FBLN5: variants seen among roughly 807,000 people sequenced by gnomAD.
FBLN5 encodes the protein fibulin-5.
Under a neutral mutation model 61.6 loss-of-function variants are expected in FBLN5, and 24 were observed. That is an observed-to-expected ratio of 0.39 (90% CI 0.28 to 0.55). The LOEUF is 0.55. Ranked by LOEUF, FBLN5 falls within the 20% of genes least tolerant of loss-of-function variation. The pLI is 0.65. For synonymous variants in FBLN5, 213 were observed against 219.8 expected (o/e 0.97, Z 0.27); for missense variants, 470 against 594.1 (o/e 0.79, Z 2.17).
intron 3 of FBLN5, among the ~76,000 whole-genome samples, chr14:91,940,169 G>A (rs544262355): frequency 6.6e-6 from 1 of 152,272 alleles, no homozygotes; most frequent in African/African-American, 2.4e-5. Flanking sequence ...GTCTCCCTTA[G>A]AGCCTCCAGA....
intron 6 of FBLN5, 42 bp from the exon 7 acceptor site, chr14:91,887,354 G>T: frequency 6.2e-7 from 1 of 1,605,676 alleles, no homozygotes. Flanking sequence ...CCTCCCAACA[G>T]AACAGCCACA....
chr14:91,880,536 T>C (rs1889383264), intron 9 of FBLN5, among the ~76,000 whole-genome samples: 1 of 151,146 alleles, frequency 6.6e-6, no homozygotes, highest in African/African-American at 2.4e-5. Flanking sequence ...CGTGTGTGTG[T>C]GTGTGTGTGT....
intron 4 of FBLN5, among the ~76,000 whole-genome samples, chr14:91,923,006 G>A (rs1370793178): frequency 6.6e-6 from 1 of 152,128 alleles, no homozygotes; most frequent in Non-Finnish European, 1.5e-5. Flanking sequence ...TAGACTACAT[G>A]CAAAATCAAT....
intron 10 of FBLN5, 45 bp downstream of exon 10, chr14:91,877,442 A>C: frequency 6.8e-7 from 1 of 1,479,100 alleles, no homozygotes; most frequent in Non-Finnish European, 9.5e-7. Context: ...AGACAGCACA[A>C]GGCCACTGTT....
Position 91,943,048 on chromosome 14 carries a change from C to T in FBLN5, c.18-87G>A, listed in dbSNP as rs10135192. On this transcript the variant is annotated intron_variant, in intron 1 of 10. Coordinates refer to ENST00000342058, the MANE Select transcript of FBLN5 (RefSeq NM_006329.4). This position sits in a 1 kb window ranked among gnomAD's most constrained non-coding sequence, Gnocchi z 4.0. Reference sequence around the variant, plus strand: ...GTCGCATGCGGCCCGTGACGTGTAACGGTGATATCACCTTGGGCTTGTATG... The same window carrying T: ...GTCGCATGCGGCCCGTGACGTGTAATGGTGATATCACCTTGGGCTTGTATG... The T allele has an allele frequency of 7.9e-3, 6,893 of 872,944 alleles. 350 individuals are homozygous for T. In the African/African-American group the frequency reaches 0.099, roughly 12 times the overall value. 54.1% of individuals were successfully genotyped at this position (872,944 alleles called of 1,614,324 possible).
chr14:91,944,507 G>C (rs1239687821), intron 1 of FBLN5, among the ~76,000 whole-genome samples: 2 of 152,244 alleles, frequency 1.3e-5, no homozygotes, highest in African/African-American at 4.8e-5. Flanking sequence ...TTGTAAACCT[G>C]TGTTCATAGC....
chr14:91,922,639 A>G (rs1438829355), intron 4 of FBLN5, among the ~76,000 whole-genome samples: 2 of 152,156 alleles, frequency 1.3e-5, no homozygotes, highest in Non-Finnish European at 2.9e-5. Flanking sequence ...TCTGTTGAGG[A>G]GGTCTGAGGT....
intron 10 of FBLN5, chr14:91,874,015 G>A (rs959117160): frequency 5.2e-5 from 8 of 152,384 alleles, no homozygotes; most frequent in African/African-American, 1.9e-4. Flanking sequence ...CTCTTTCTAG[G>A]GCTCAGTGAG....
In FBLN5 at chr14:91,942,947, G is replaced by A; in HGVS notation, c.32C>T (p.Thr11Ile). Residue 11 changes from threonine (T) to isoleucine (I), a missense_variant, in exon 2 of 11, where the codon ACC becomes ATC. Coordinates refer to ENST00000342058, the MANE Select transcript of FBLN5 (RefSeq NM_006329.4). MPGIKRILTV[T>I]ILALCLPSPG... ...GCTTGGAAGACAGAGAGCCAGAATG[G>A]TAACAGTGAGTATCCTGTGGAGGTG... 6.4e-7 allele frequency: 1 copy of A among 1,550,586 alleles called. No individual in the cohort carries two copies. Among genetic ancestry groups the A allele is most frequent in the Non-Finnish European group, 8.7e-7 (1 of 1,144,222 alleles).
At chr14:91,941,947 CTT>C in intron 2 of FBLN5, 1 of 351,284 alleles carries the variant, frequency 2.8e-6, no homozygotes, top group South Asian at 2.2e-5. Flanking sequence ...GTCTAAAATT[CTT>C]TGTTACTCCT....
At position 91,946,282 on chromosome 14, in the gene FBLN5, T is replaced by TA. The variant is rs11365622; in HGVS notation, c.17+930dup. On this transcript the variant is annotated intron_variant, in intron 1 of 10. Transcript: ENST00000342058. The stretch of plus-strand genomic sequence containing the variant: ...ATCACGAATAGCTGCACCTTGTGAT[T>TA]AAAAAAAAAAAACCCTGGAAACTCC... Among the ~76,000 whole-genome samples the TA allele has an allele frequency of 8.5e-3, 1,259 of 148,544 alleles. 10 individuals carry two copies. Among genetic ancestry groups the TA allele is most frequent in the Admixed American group, 0.015 (219 of 14,842 alleles).
At chr14:91,932,546 G>A (rs1253167391) in intron 4 of FBLN5, among the ~76,000 whole-genome samples, 1 of 152,206 alleles carries the variant, frequency 6.6e-6, no homozygotes, top group Non-Finnish European at 1.5e-5. Context: ...GAAAGGGGAT[G>A]CTCATTTGCC....
Position 91,887,225 on chromosome 14 carries a change from T to A in FBLN5, c.707A>T (p.Tyr236Phe), listed in dbSNP as rs1490601131. Reference sequence around the variant, plus strand: ...ATGAACGCCATCTTCCTCAAGTTCATATCCTGGGTCACAGCGGCAGATGAA... The same window carrying A: ...ATGAACGCCATCTTCCTCAAGTTCAAATCCTGGGTCACAGCGGCAGATGAA... ...GSFICRCDPG[Y>F]ELEEDGVHCS... The change falls in exon 7 of 11, where the codon TAT becomes TTT. Residue 236 changes from tyrosine to phenylalanine, a missense_variant. Coordinates refer to ENST00000342058, the MANE Select transcript of FBLN5 (RefSeq NM_006329.4). 4.3e-6 allele frequency: 7 copies of A among 1,613,372 alleles called. No individual in the cohort carries two copies. Among genetic ancestry groups the A allele is most frequent in the Non-Finnish European group, 5.9e-6 (7 of 1,179,924 alleles).
rs7149590 is a variant in FBLN5, at chr14:91,939,417, G to A, written c.124+1148C>T. Among the ~76,000 whole-genome samples, 1,428 of 145,142 alleles carry A rather than the reference G, an allele frequency of 9.8e-3. 15 individuals carry two copies. The highest frequency in any genetic ancestry group is 0.013 in the Non-Finnish European group (898 of 67,208). ...TACAGTGGTGCGATCTCAGCTCATT[G>A]CAACCTCTGCCTCCCAGGTTCAAAC... On this transcript the variant is annotated intron_variant, in intron 3 of 10. Coordinates refer to ENST00000342058, the MANE Select transcript of FBLN5 (RefSeq NM_006329.4).
At chr14:91,946,836 G>C in intron 1 of FBLN5, 1 of 1,526,454 alleles carries the variant, frequency 6.6e-7, no homozygotes, top group Non-Finnish European at 8.7e-7. Flanking sequence ...ATCAGCCGAT[G>C]CGGCGCAGTA....
At chr14:91,905,683 G>C (rs957198080) in intron 4 of FBLN5, among the ~76,000 whole-genome samples, 2 of 150,812 alleles carry the variant, frequency 1.3e-5, no homozygotes, top group Non-Finnish European at 2.9e-5. Flanking sequence ...GGGTTCAAGC[G>C]ATTCTCCTGC....
At chr14:91,894,841 C>CAAAAAAA in intron 5 of FBLN5, 109 bp downstream of exon 5, 1 of 563,084 alleles carries the variant, frequency 1.8e-6, no homozygotes, top group Non-Finnish European at 3.1e-6. Context: ...CCCTCCCTAG[C>CAAAAAAA]AAAGAAAAGC....
intron 4 of FBLN5, among the ~76,000 whole-genome samples, chr14:91,926,852 T>A (rs1368423914): frequency 1.3e-5 from 2 of 152,162 alleles, no homozygotes; most frequent in Non-Finnish European, 2.9e-5. Flanking sequence ...AAGACCTGAC[T>A]ATCCTGCCTT....
chr14:91,895,440 C>G (rs145160702), intron 4 of FBLN5, among the ~76,000 whole-genome samples: 14 of 152,292 alleles, frequency 9.2e-5, no homozygotes, highest in African/African-American at 3.4e-4. Context: ...AAACAGGGGT[C>G]TGCTGCGTAC....
Sources: gnomAD v4.1 joint callset for allele counts (sites outside exome capture counted in the v4.1 genomes callset) on GRCh38, gnomAD v4.1.1 for gene constraint, Gnocchi (gnomAD v3.1) non-coding constraint, MANE v1.5 for transcripts, NCBI Gene and HGNC (gene_info 2026-07-23, HGNC 2026-07-21) for gene names.